The following MFN2 variants were observed in gnomAD, a reference collection of about 807,000 sequenced individuals.
MFN2 encodes mitofusin 2.
In MFN2, 43 loss-of-function variants were observed where a neutral mutation model predicts 87.5. The ratio of observed to expected loss-of-function variants is 0.49; its 90% CI spans 0.38 to 0.63. MFN2 has a LOEUF of 0.63. Ranked by LOEUF, MFN2 falls within the 30% of genes least tolerant of loss-of-function variation. MFN2 has a pLI of 0.00. For synonymous variants in MFN2, 337 were observed against 359.9 expected (o/e 0.94, Z 0.72); for missense variants, 743 against 972.8 (o/e 0.76, Z 3.14).
intron 4 of MFN2, among the ~76,000 whole-genome samples, chr1:11,995,611 C>T (rs1005361563): frequency 4.6e-5 from 7 of 151,370 alleles, no homozygotes; most frequent in Non-Finnish European, 7.4e-5. Flanking sequence ...CCAGCCTGGG[C>T]GACAGAGTGA....
chr1:11,998,409 A>T (rs912495002), intron 6 of MFN2, among the ~76,000 whole-genome samples: 1 of 151,844 alleles, frequency 6.6e-6, no homozygotes, highest in Non-Finnish European at 1.5e-5. Context: ...TTAGCTGGGC[A>T]TGGTGGTGCG....
intron 10 of MFN2, 47 bp from the exon 11 acceptor site, chr1:12,001,921 TGGCCCTTGGTTGTA>T: frequency 1.9e-6 from 3 of 1,614,116 alleles, no homozygotes; most frequent in Non-Finnish European, 2.5e-6. Flanking sequence ...AACCAGAGTC[TGGCCCTTGGTTGTA>T]GGCCCCTGGT....
chr1:11,990,130 G>A (rs1003582172), intron 3 of MFN2, among the ~76,000 whole-genome samples: 1 of 152,154 alleles, frequency 6.6e-6, no homozygotes, highest in African/African-American at 2.4e-5. Context: ...GTGGTGCTTC[G>A]GGGGTTGGCC....
At chr1:12,001,350 G>T (rs758751102) in intron 8 of MFN2, 51 bp from the exon 9 acceptor site, 1 of 1,608,002 alleles carries the variant, frequency 6.2e-7, no homozygotes, top group East Asian at 2.2e-5. Flanking sequence ...AGGCAGGTGG[G>T]GGCTGTGGGG....
chr1:12,004,135 A>C lies in MFN2; in HGVS notation c.1287+17A>C. On this transcript the variant is annotated intron_variant, in intron 12 of 18. Transcript: ENST00000235329. The surrounding 1 kb of genome is among the most constrained non-coding windows in gnomAD (Gnocchi z 4.2). ...GAGAGGCAGGTGAGAAATGAGGAGG[A>C]GGCATTCTGGGAAGATTTGGACTCC... The C allele has an allele frequency of 1.9e-6, 3 of 1,613,642 alleles. No individual in the cohort carries two copies. Among genetic ancestry groups the C allele is most frequent in the Non-Finnish European group, 2.5e-6 (3 of 1,180,008 alleles).
rs1300158412 is a variant in MFN2 at position 11,989,195 on chromosome 1, C to T, written c.27C>T (p.Asn9=). The change falls in exon 3 of 19, where the codon AAC becomes AAT. Residue 9 remains asparagine (N), a synonymous_variant. Transcript: ENST00000235329. MSLLFSRC[N]SIVTVKKNKR... ...TGTCCCTGCTCTTCTCTCGATGCAA[C>T]TCTATCGTCACAGTCAAGAAAAATA... 6.2e-7 allele frequency: 1 copy of T among 1,614,118 alleles called. No homozygotes were observed. The highest frequency in any genetic ancestry group is 1.1e-5 in the South Asian group (1 of 91,080).
At chr1:11,982,816 C>G (rs1227855297) in intron 2 of MFN2, among the ~76,000 whole-genome samples, 1 of 152,126 alleles carries the variant, frequency 6.6e-6, no homozygotes, top group East Asian at 1.9e-4. Flanking sequence ...TGCCCTGGCA[C>G]TTTTTAGGGG....
At chr1:11,991,756 C>G (rs1050706426) in intron 3 of MFN2, among the ~76,000 whole-genome samples, 3 of 151,164 alleles carry the variant, frequency 2.0e-5, no homozygotes, top group African/African-American at 4.9e-5. Context: ...AACCCTGTCT[C>G]TACTAAAAAT....
Position 12,005,746 on chromosome 1 carries a change from A to T in MFN2, c.1531A>T (p.Ser511Cys), listed in dbSNP as rs1639380184. The T allele has an allele frequency of 6.2e-7, 1 of 1,614,216 alleles. No homozygotes were observed. ...ACCCCTCCTTCCTGTGTCTGTGCGG[A>T]GTCAGATAGACATGCTGGTCCCACG... ...LKPLLPVSVR[S>C]QIDMLVPRQC... is the part of the protein sequence containing the mutation. The change falls in exon 15 of 19, where the codon AGT (serine) becomes TGT (cysteine). Residue 511 changes from serine (S) to cysteine (C), a missense_variant. By Grantham distance (112) the Ser-to-Cys change is moderately radical (BLOSUM62 -1). Coordinates refer to ENST00000235329, the MANE Select transcript of MFN2 (RefSeq NM_014874.4).
chr1:12,004,002 G>A lies in MFN2; in HGVS notation c.1171G>A (p.Glu391Lys), dbSNP rs756800190. 1.1e-5 allele frequency: 18 copies of A among 1,614,224 alleles called. No individual in the cohort carries two copies. The South Asian group carries it at 1.4e-4, about 13-fold the overall frequency. The change falls in exon 12 of 19, where the codon GAG becomes AAG. Residue 391 changes from glutamate (E) to lysine (K), a missense_variant. Transcript: ENST00000235329. This position sits in a 1 kb window ranked among gnomAD's most constrained non-coding sequence, Gnocchi z 4.2. ...MAAREQQVYC[E>K]EMREERQDRL... ...GTACTCTGCTTTCAGGGTTTACTGC[G>A]AGGAAATGCGTGAAGAGCGGCAAGA... is the stretch of plus-strand genomic sequence containing the variant.
chr1:11,984,737 T>C (rs574536818), intron 2 of MFN2, among the ~76,000 whole-genome samples: 1 of 152,138 alleles, frequency 6.6e-6, no homozygotes, highest in Non-Finnish European at 1.5e-5. Flanking sequence ...TCATGAAGCT[T>C]CCATAAAAAT....
At position 12,003,630 on chromosome 1, in the gene MFN2, C is replaced by T. The variant is rs1004202844; in HGVS notation, c.1161-362C>T. On this transcript the variant is annotated intron_variant, in intron 11 of 18. Transcript: ENST00000235329. The surrounding 1 kb of genome is among the most constrained non-coding windows in gnomAD (Gnocchi z 4.1). ...AGTGAGTGGAGATCGTGCCATTGCA[C>T]TCCAGCCTGGGCAACAAGAGTGAAA... Among the ~76,000 whole-genome samples the T allele has an allele frequency of 2.0e-5, 3 of 151,088 alleles. No individual in the cohort carries two copies. Among genetic ancestry groups the T allele is most frequent in the Non-Finnish European group, 4.4e-5 (3 of 67,946 alleles).
At chr1:11,987,637 A>AAC (rs1159285500) in intron 2 of MFN2, among the ~76,000 whole-genome samples, 3 of 151,290 alleles carry the variant, frequency 2.0e-5, no homozygotes, top group Non-Finnish European at 4.4e-5. Flanking sequence ...CTCAGAAAAA[A>AAC]AAAAAAAAAA....
intron 4 of MFN2, among the ~76,000 whole-genome samples, chr1:11,993,952 A>G (rs1400465098): frequency 6.6e-6 from 1 of 152,178 alleles, no homozygotes; most frequent in Non-Finnish European, 1.5e-5. Flanking sequence ...AGTGTGAACC[A>G]TTTCTGCCCT....
intron 5 of MFN2, among the ~76,000 whole-genome samples, chr1:11,996,597 T>C (rs1638917201): frequency 6.6e-6 from 1 of 152,226 alleles, no homozygotes; most frequent in African/African-American, 2.4e-5. Context: ...GAAGACAGTA[T>C]GTGCTGTGTT....
chr1:11,999,977 G>A (rs1639099769), intron 8 of MFN2, among the ~76,000 whole-genome samples: 2 of 151,570 alleles, frequency 1.3e-5, no homozygotes, highest in African/African-American at 4.8e-5. Context: ...GGCGCCTGTA[G>A]TCCCAGCTAC....
chr1:12,001,317 A>G (rs1639160932), intron 8 of MFN2, 84 bp from the exon 9 acceptor site: 1 of 1,560,700 alleles, frequency 6.4e-7, no homozygotes, highest in South Asian at 1.2e-5. Context: ...CCAGCCTCTT[A>G]TGACCTATTC....
rs1639427922 is a variant in MFN2, at chr1:12,006,574, A to G, written c.1753A>G (p.Ser585Gly). 6.2e-7 allele frequency: 1 copy of G among 1,614,172 alleles called. No individual in the cohort carries two copies. The highest frequency in any genetic ancestry group is 2.2e-5 in the East Asian group (1 of 44,888). ...RPIPLTPANP[S>G]MPPLPQGSLT... ...CATCCCTCTGACGCCAGCCAACCCCAGCATGCCCCCACTGCCACAGGGCTC... is the reference window on the plus strand; with the variant it reads ...CATCCCTCTGACGCCAGCCAACCCCGGCATGCCCCCACTGCCACAGGGCTC... Residue 585 changes from serine (S) to glycine (G), a missense_variant, in exon 16 of 19, where the codon AGC (serine) becomes GGC (glycine). Coordinates refer to ENST00000235329, the MANE Select transcript of MFN2 (RefSeq NM_014874.4).
At chr1:12,009,066 G>A (rs1467167505) in intron 17 of MFN2, among the ~76,000 whole-genome samples, 2 of 152,190 alleles carry the variant, frequency 1.3e-5, no homozygotes, top group East Asian at 3.9e-4. Flanking sequence ...CAGGCGTGGC[G>A]GCGCGCGCCT....
Sources: allele counts gnomAD v4.1 joint callset (sites outside exome capture counted in the v4.1 genomes callset), GRCh38; gene constraint gnomAD v4.1.1; non-coding constraint Gnocchi (gnomAD v3.1); transcripts MANE v1.5; gene names NCBI Gene and HGNC (gene_info 2026-07-23, HGNC 2026-07-21).